Variants in SLC25A48 observed in about 807,000 individuals in gnomAD.
SLC25A48 encodes CTC-321K16.1.
In SLC25A48, 29 loss-of-function variants were observed where a neutral mutation model predicts 32.2. The ratio of observed to expected loss-of-function variants is 0.90; its 90% CI spans 0.67 to 1.23. SLC25A48 has a LOEUF of 1.23. Among genes scored for constraint, SLC25A48 ranks in the 50% most tolerant of loss-of-function variants. The pLI is 0.00. For synonymous variants in SLC25A48, 164 were observed against 172.3 expected (o/e 0.95, Z 0.38); for missense variants, 399 against 422.7 (o/e 0.94, Z 0.49).
At chr5:135,681,337 T>C (rs1753893050) in intron 3 of SLC25A48, among the ~76,000 whole-genome samples, 1 of 152,260 alleles carries the variant, frequency 6.6e-6, no homozygotes, top group South Asian at 2.1e-4. Flanking sequence ...TCTTCAGCAG[T>C]GTCTAATTTT....
At position 135,805,852 on chromosome 5, in the gene SLC25A48, GT is replaced by G. The variant is rs146129144; in HGVS notation, c.-520-6670del. Among the ~76,000 whole-genome samples, 1,445 of 151,678 alleles carry G rather than the reference GT, an allele frequency of 9.5e-3. 26 individuals are homozygous for G. The highest frequency in any genetic ancestry group is 0.033 in the African/African-American group (1,375 of 41,410). ...GGGAGATATTACTCCTAATATCCCTGTGGGTGTATACCCTGTGTGTATACCC... is the reference window on the plus strand; with the variant it reads ...GGGAGATATTACTCCTAATATCCCTGGGGTGTATACCCTGTGTGTATACCC... On this transcript the variant is annotated intron_variant, in intron 3 of 10. Transcript: ENST00000646290.
chr5:135,849,726 C>G (rs575049522), intron 2 of SLC25A48, among the ~76,000 whole-genome samples: 3 of 152,128 alleles, frequency 2.0e-5, no homozygotes, highest in African/African-American at 7.2e-5. Flanking sequence ...GGAGGAAGAG[C>G]CTTCCAGAAG....
At chr5:135,705,509 G>A (rs1045864393) in intron 3 of SLC25A48, among the ~76,000 whole-genome samples, 2 of 152,222 alleles carry the variant, frequency 1.3e-5, no homozygotes, top group African/African-American at 4.8e-5. Flanking sequence ...AATGATGGCA[G>A]CAATGATGAT....
intron 1 of SLC25A48, among the ~76,000 whole-genome samples, chr5:135,835,414 C>A (rs914078464): frequency 1.3e-5 from 2 of 152,092 alleles, no homozygotes; most frequent in Non-Finnish European, 2.9e-5. Flanking sequence ...GTGCCCATTG[C>A]CAGGCTGCGA....
intron 3 of SLC25A48, among the ~76,000 whole-genome samples, chr5:135,772,082 A>G (rs1027490456): frequency 4.6e-5 from 7 of 151,018 alleles, no homozygotes; most frequent in African/African-American, 7.3e-5. Flanking sequence ...GGTGTACACC[A>G]CCCTGTGATA....
At chr5:135,808,428 A>G (rs544083898) in intron 3 of SLC25A48, among the ~76,000 whole-genome samples, 1 of 152,218 alleles carries the variant, frequency 6.6e-6, no homozygotes, top group Non-Finnish European at 1.5e-5. Context: ...ATACTTGTTG[A>G]TGTTACACAA....
chr5:135,871,466 C>T lies in SLC25A48; in HGVS notation c.427C>T (p.Leu143Phe). 1.3e-6 allele frequency: 2 copies of T among 1,584,768 alleles called. No individual in the cohort carries two copies. Among genetic ancestry groups the T allele is most frequent in the Non-Finnish European group, 1.7e-6 (2 of 1,161,546 alleles). Residue 143 changes from leucine to phenylalanine, a missense_variant, in exon 5 of 8, where the codon CTC becomes TTC. By Grantham distance (22) the Leu-to-Phe change is conservative. Transcript: ENST00000681962. ...TCTCTCCCCTGTCTTTGCAGCCAAC[C>T]TCGGTTTGAAGTCCAGGGCAGTGGC... ...MQTQPFRDAN[L>F]GLKSRAVAPA... is the part of the protein sequence containing the mutation.
At chr5:135,683,844 A>T (rs1235852608) in intron 3 of SLC25A48, among the ~76,000 whole-genome samples, 1 of 152,136 alleles carries the variant, frequency 6.6e-6, no homozygotes, top group Non-Finnish European at 1.5e-5. Context: ...CCCCATTCCC[A>T]GCTTAGCTTG....
At chr5:135,853,800 A>AT (rs1206691808) in intron 4 of SLC25A48, among the ~76,000 whole-genome samples, 3 of 152,098 alleles carry the variant, frequency 2.0e-5, no homozygotes, top group Non-Finnish European at 4.4e-5. Context: ...AGAATGGTGA[A>AT]TTTTTTCCAG....
chr5:135,764,681 A>G (rs1756159010), intron 3 of SLC25A48, among the ~76,000 whole-genome samples: 1 of 143,500 alleles, frequency 7.0e-6, no homozygotes. Context: ...GGTGTACACC[A>G]CCCTGTGATA....
chr5:135,597,881 G>A (rs1751692369), intron 1 of SLC25A48, among the ~76,000 whole-genome samples: 1 of 152,176 alleles, frequency 6.6e-6, no homozygotes, highest in African/African-American at 2.4e-5. Context: ...CTGCACGCCT[G>A]TAGTCCCAGC....
intron 4 of SLC25A48, among the ~76,000 whole-genome samples, chr5:135,816,056 G>A (rs1314505856): frequency 6.6e-6 from 1 of 152,172 alleles, no homozygotes; most frequent in Non-Finnish European, 1.5e-5. Flanking sequence ...AAGGGAATTA[G>A]GTGCCTTCTT....
At chr5:135,741,897 G>A (rs528319286) in intron 3 of SLC25A48, among the ~76,000 whole-genome samples, 4 of 152,136 alleles carry the variant, frequency 2.6e-5, no homozygotes, top group Non-Finnish European at 4.4e-5. Context: ...AAGCGTGAAT[G>A]TAATGTAATA....
intron 4 of SLC25A48, among the ~76,000 whole-genome samples, chr5:135,866,199 C>T (rs964894508): frequency 6.6e-6 from 1 of 152,226 alleles, no homozygotes; most frequent in Admixed American, 6.5e-5. Flanking sequence ...CCACCACCCA[C>T]ATACCGACAT....
At chr5:135,794,195 C>T (rs931011659) in intron 3 of SLC25A48, among the ~76,000 whole-genome samples, 1 of 151,552 alleles carries the variant, frequency 6.6e-6, no homozygotes, top group Non-Finnish European at 1.5e-5. Context: ...CTCTCATTAT[C>T]GCAGGTGGTG....
intron 3 of SLC25A48, among the ~76,000 whole-genome samples, chr5:135,768,292 G>A (rs1265087811): frequency 6.7e-6 from 1 of 149,170 alleles, no homozygotes; most frequent in Admixed American, 6.7e-5. Flanking sequence ...GATATTGTTT[G>A]TAATATGCAA....
At chr5:135,586,520 T>G (rs1751369368) in intron 1 of SLC25A48, among the ~76,000 whole-genome samples, 1 of 113,692 alleles carries the variant, frequency 8.8e-6, no homozygotes. Flanking sequence ...TCTGCAGTGA[T>G]CTCAGACACA....
chr5:135,630,071 G>T (rs530188329), intron 2 of SLC25A48, among the ~76,000 whole-genome samples: 1 of 152,120 alleles, frequency 6.6e-6, no homozygotes, highest in Admixed American at 6.5e-5. Flanking sequence ...GTTCTTACCC[G>T]CAGCTTAGGA....
At chr5:135,787,721 T>C (rs1439835428) in intron 3 of SLC25A48, among the ~76,000 whole-genome samples, 1 of 151,958 alleles carries the variant, frequency 6.6e-6, no homozygotes, top group Non-Finnish European at 1.5e-5. Flanking sequence ...CGTAACATTT[T>C]AGGGATATGT....
Sources: allele counts gnomAD v4.1 joint callset (sites outside exome capture counted in the v4.1 genomes callset), GRCh38; gene constraint gnomAD v4.1.1; transcripts MANE v1.5; gene names NCBI Gene and HGNC (gene_info 2026-07-23, HGNC 2026-07-21).